Variants in APLP1 observed in about 807,000 individuals in gnomAD.
The protein encoded by APLP1 is amyloid beta (A4) precursor-like protein 1.
Under a neutral mutation model 84.5 loss-of-function variants are expected in APLP1, and 46 were observed. The observed-to-expected ratio is 0.54, with a 90% CI of 0.43 to 0.70. APLP1 has a LOEUF of 0.70. Among genes scored for constraint, APLP1 ranks in the 30% least tolerant of loss-of-function variants. APLP1 has a pLI of 0.00. For synonymous variants in APLP1, 376 were observed against 364.0 expected (o/e 1.03, Z -0.38); for missense variants, 826 against 900.2 (o/e 0.92, Z 1.05).
rs376367676 is a variant in APLP1, at chr19:35,874,777, C to T, written c.1252C>T (p.Arg418Cys). 174 of 1,613,442 alleles carry T rather than the reference C, an allele frequency of 1.1e-4. No individual in the cohort carries two copies. Among genetic ancestry groups the T allele is most frequent in the Non-Finnish European group, 1.1e-4 (130 of 1,179,942 alleles). ...CCTGTTGGCCCTGCGGCGCTACCTG[C>T]GTGCGGAGCAGAAGGAACAGAGGCA... ...RVLLALRRYL[R>C]AEQKEQRHTL... The change falls in exon 10 of 17, where the codon CGT (arginine) becomes TGT (cysteine). Residue 418 changes from arginine to cysteine, a missense_variant. This residue lies in a region of APLP1 where 433 missense variants were observed against 496.5 expected (regional missense o/e 0.87). Coordinates refer to ENST00000221891, the MANE Select transcript of APLP1 (RefSeq NM_001024807.3). This position sits in a 1 kb window ranked among gnomAD's most constrained non-coding sequence, Gnocchi z 6.4.
Position 35,872,590 on chromosome 19 carries a change from C to T in APLP1, c.958C>T (p.Arg320Cys), listed in dbSNP as rs988266521. The T allele has an allele frequency of 6.8e-6, 11 of 1,613,538 alleles. No homozygotes were observed. Among genetic ancestry groups the T allele is most frequent in the Admixed American group, 1.7e-5 (1 of 59,998 alleles). Residue 320 changes from arginine (R) to cysteine (C), a missense_variant, in exon 7 of 17, where the codon CGT becomes TGT. Transcript: ENST00000221891. ...FLRAKMDLEE[R>C]RMRQINEVMR... is the part of the protein sequence containing the mutation. Reference sequence around the variant, plus strand: ...GAGGGCCAAGATGGACCTGGAGGAGCGTAGGATGCGCCAGATTAATGAGGT... The same window carrying T: ...GAGGGCCAAGATGGACCTGGAGGAGTGTAGGATGCGCCAGATTAATGAGGT...
chr19:35,878,810 G>T, intron 14 of APLP1, 80 bp from the exon 15 acceptor site: 6 of 1,567,716 alleles, frequency 3.8e-6, no homozygotes, highest in Non-Finnish European at 2.6e-6. Context: ...TGAGAGGGCT[G>T]GGGGACGCTC....
intron 2 of APLP1, 174 bp from the exon 3 acceptor site, chr19:35,870,722 T>G (rs1045064567): frequency 2.4e-6 from 2 of 834,968 alleles, no homozygotes; most frequent in Non-Finnish European, 3.5e-6. Flanking sequence ...AGGAGGAGGT[T>G]GCAGTGAGCC....
In APLP1 at chr19:35,868,816, A is replaced by G; in HGVS notation, c.147+33A>G. ...CGGGCCGGGTCCTGGGGGATGGGGG[A>G]AGGGGCGGGACCGGGTCTCTGGACG... On this transcript the variant is annotated intron_variant, in intron 1 of 16. Coordinates refer to ENST00000221891, the MANE Select transcript of APLP1 (RefSeq NM_001024807.3). The surrounding 1 kb of genome is among the most constrained non-coding windows in gnomAD (Gnocchi z 5.2). 7.9e-7 allele frequency: 1 copy of G among 1,269,256 alleles called. No individual in the cohort carries two copies. The highest frequency in any genetic ancestry group is 2.5e-5 in the South Asian group (1 of 39,828). The allele number at this position is 1,269,256 out of a possible 1,614,324, so 78.6% of individuals were successfully genotyped here.
At chr19:35,872,757 G>T (rs1468293064) in intron 7 of APLP1, 144 bp downstream of exon 7, 14 of 814,436 alleles carry the variant, frequency 1.7e-5, no homozygotes, top group African/African-American at 7.0e-5. Context: ...CCCTAAGATG[G>T]CCAGAGATCC....
intron 11 of APLP1, 144 bp from the exon 12 acceptor site, chr19:35,877,574 C>G (rs1974313853): frequency 3.5e-6 from 2 of 577,818 alleles, no homozygotes; most frequent in Non-Finnish European, 6.1e-6. Context: ...CAGCTTCCCA[C>G]TTTCTCAGAT....
At chr19:35,869,162 C>T in intron 1 of APLP1, 1 of 324,934 alleles carries the variant, frequency 3.1e-6, no homozygotes, top group Non-Finnish European at 5.6e-6. Context: ...GAGGCCCTTG[C>T]AGCCTCCCAG....
rs749708527 is a variant in APLP1 at position 35,879,151 on chromosome 19, C to T, written c.1791C>T (p.Ile597=). ...LIMGAGGGSL[I]VLSMLLLRRK... Reference sequence around the variant, plus strand: ...TGGGAGCGGGCGGAGGCTCCCTCATCGTCCTCTCCATGCTGCTCCTGCGCA... The same window carrying T: ...TGGGAGCGGGCGGAGGCTCCCTCATTGTCCTCTCCATGCTGCTCCTGCGCA... Residue 597 remains isoleucine, a synonymous_variant, in exon 16 of 17, where the codon ATC becomes ATT. Transcript: ENST00000221891. 6.2e-7 allele frequency: 1 copy of T among 1,612,726 alleles called. No individual in the cohort carries two copies. The highest frequency in any genetic ancestry group is 1.7e-5 in the Admixed American group (1 of 60,028).
chr19:35,874,903 C>T lies in APLP1; in HGVS notation c.1344+34C>T. The T allele has an allele frequency of 6.3e-7, 1 of 1,598,618 alleles. No individual in the cohort carries two copies. On this transcript the variant is annotated intron_variant, in intron 10 of 16. Coordinates refer to ENST00000221891, the MANE Select transcript of APLP1 (RefSeq NM_001024807.3). The surrounding 1 kb of genome is among the most constrained non-coding windows in gnomAD (Gnocchi z 6.4). Reference sequence around the variant, plus strand: ...ATCCTTCCAGCTCCCAAATGCGCCGCTATTCCTCAGACGCCCGCGCCTCAG... The same window carrying T: ...ATCCTTCCAGCTCCCAAATGCGCCGTTATTCCTCAGACGCCCGCGCCTCAG...
In APLP1 at chr19:35,875,919, A is replaced by G. The variant is rs568852444; in HGVS notation, c.1345-598A>G. Among the ~76,000 whole-genome samples, 102 of 147,462 alleles carry G rather than the reference A, an allele frequency of 6.9e-4. 1 individual carries two copies. The highest frequency in any genetic ancestry group is 2.3e-3 in the African/African-American group (90 of 39,518). On this transcript the variant is annotated intron_variant, in intron 10 of 16. Coordinates refer to ENST00000221891, the MANE Select transcript of APLP1 (RefSeq NM_001024807.3). ...CAGGCGTGAGCCACCATGCCCGGCCAGAAACCCCAATAACTTGCACCAATC... is the reference window on the plus strand; with the variant it reads ...CAGGCGTGAGCCACCATGCCCGGCCGGAAACCCCAATAACTTGCACCAATC...
chr19:35,872,357 G>A (rs1281019435), intron 6 of APLP1, 126 bp from the exon 7 acceptor site: 6 of 1,303,106 alleles, frequency 4.6e-6, no homozygotes, highest in African/African-American at 3.0e-5. Context: ...ATAATGCCAG[G>A]CAGCAGCGGT....
chr19:35,873,751 A>C, intron 8 of APLP1, 38 bp downstream of exon 8: 3 of 1,589,734 alleles, frequency 1.9e-6, no homozygotes, highest in South Asian at 2.2e-5. Context: ...ATGCCTGTCC[A>C]CCACCTGGAG....
intron 2 of APLP1, 77 bp downstream of exon 2, chr19:35,869,887 C>A (rs11882950): frequency 2.0e-6 from 3 of 1,516,926 alleles, no homozygotes; most frequent in South Asian, 1.2e-5. Flanking sequence ...CAGGGTGCTG[C>A]GCGATCTAAG....
Position 35,872,021 on chromosome 19 carries a change from G to T in APLP1, c.835G>T (p.Ala279Ser). Residue 279 changes from alanine to serine, a missense_variant, in exon 6 of 17, where the codon GCA becomes TCA. Physicochemically the swap from Ala to Ser is moderately conservative, Grantham distance 99 (BLOSUM62 1). Coordinates refer to ENST00000221891, the MANE Select transcript of APLP1 (RefSeq NM_001024807.3). ...TVPPPSSHTL[A>S]VVGKVTPTPR... ...CCCACCCCCAAGCTCCCATACACTT[G>T]CAGTGGTCGGCAAAGGTGAGGCAGT... 1 of 1,613,872 alleles carries T rather than the reference G, an allele frequency of 6.2e-7. No homozygotes were observed. Among genetic ancestry groups the T allele is most frequent in the Non-Finnish European group, 8.5e-7 (1 of 1,179,864 alleles).
chr19:35,877,260 G>A (rs527679272), intron 11 of APLP1, among the ~76,000 whole-genome samples: 10 of 152,000 alleles, frequency 6.6e-5, no homozygotes, highest in African/African-American at 1.5e-4. Flanking sequence ...AGGCCGAGGC[G>A]GGTGGATCAC....
In APLP1 at chr19:35,879,771, A is replaced by C; in HGVS notation, c.*330A>C. 1 of 288,378 alleles carries C rather than the reference A, an allele frequency of 3.5e-6. No homozygotes were observed. The highest frequency in any genetic ancestry group is 6.6e-5 in the South Asian group (1 of 15,086). 17.9% of individuals were successfully genotyped at this position (288,378 alleles called of 1,614,324 possible). A position where few individuals can be genotyped will look rare whatever the true frequency, so the allele number is the denominator to read the frequency against. On this transcript the variant is annotated 3_prime_UTR_variant, in exon 17 of 17. Transcript: ENST00000221891. ...TCTCATGTTTCCCTACTAACATCCC[A>C]ATAAAGTCCTCTTCCCTACCAGGCC...
chr19:35,879,788 T>TA lies in APLP1; in HGVS notation c.*348dup, dbSNP rs1974376556. 4.3e-6 allele frequency: 1 copy of TA among 233,684 alleles called. No homozygotes were observed. The allele number at this position is 233,684 out of a possible 1,614,324, so 14.5% of individuals were successfully genotyped here. A position where few individuals can be genotyped will look rare whatever the true frequency, so the allele number is the denominator to read the frequency against. On this transcript the variant is annotated 3_prime_UTR_variant, in exon 17 of 17. Transcript: ENST00000221891. ...AACATCCCAATAAAGTCCTCTTCCC[T>TA]ACCAGGCCAGTCTGAGTCTCTGTGG...
chr19:35,871,669 T>A lies in APLP1; in HGVS notation c.595T>A (p.Ser199Thr). The A allele has an allele frequency of 6.2e-7, 1 of 1,614,044 alleles. No homozygotes were observed. The highest frequency in any genetic ancestry group is 8.5e-7 in the Non-Finnish European group (1 of 1,180,010). The change falls in exon 5 of 17, where the codon TCG (serine) becomes ACG (threonine). Residue 199 changes from serine to threonine, a missense_variant. Ser to Thr is a moderately conservative substitution (Grantham distance 58). Transcript: ENST00000221891. ...CTCGGGCATGCTCTTACCCTGTGGC[T>A]CGGATCGGTTCCGTGGTGTGGAGTA... is the stretch of plus-strand genomic sequence containing the variant. ...HGSGMLLPCG[S>T]DRFRGVEYVC...
chr19:35,868,661 C>T lies in APLP1; in HGVS notation c.25C>T (p.Arg9Cys), dbSNP rs1020390542. Residue 9 changes from arginine to cysteine, a missense_variant, in exon 1 of 17, where the codon CGC (arginine) becomes TGC (cysteine). By Grantham distance (180) the Arg-to-Cys change is radical. Around this residue, in one of 3 missense-constraint regions of APLP1, gnomAD observed 10 missense variants for 25.4 expected, o/e 0.39. Coordinates refer to ENST00000221891, the MANE Select transcript of APLP1 (RefSeq NM_001024807.3). This position sits in a 1 kb window ranked among gnomAD's most constrained non-coding sequence, Gnocchi z 5.2. MGPASPAA[R>C]GLSRRPGQPP... is the part of the protein sequence containing the mutation. ...CATGGGGCCCGCCAGCCCCGCTGCT[C>T]GCGGTCTAAGTCGCCGCCCGGGCCA... 1 of 1,389,404 alleles carries T rather than the reference C, an allele frequency of 7.2e-7. No homozygotes were observed. The highest frequency in any genetic ancestry group is 3.1e-5 in the East Asian group (1 of 32,328). The allele number at this position is 1,389,404 out of a possible 1,614,324, so 86.1% of individuals were successfully genotyped here. A position where few individuals can be genotyped will look rare whatever the true frequency, so the allele number is the denominator to read the frequency against.
Sources: gnomAD v4.1 joint callset for allele counts (sites outside exome capture counted in the v4.1 genomes callset) on GRCh38, gnomAD v4.1.1 for gene constraint, gnomAD v4.1.1 regional missense constraint, Gnocchi (gnomAD v3.1) non-coding constraint, MANE v1.5 for transcripts, NCBI Gene and HGNC (gene_info 2026-07-23, HGNC 2026-07-21) for gene names.